Variants in NKIRAS1 observed in about 807,000 individuals in gnomAD.
NKIRAS1 encodes NF-kappa-B inhibitor-interacting Ras-like protein 1.
In NKIRAS1, 16 loss-of-function variants were observed where a neutral mutation model predicts 19.8. The ratio of observed to expected loss-of-function variants is 0.81; its 90% CI spans 0.55 to 1.23. NKIRAS1 has a LOEUF of 1.23. NKIRAS1 is among the 50% of genes most tolerant of loss of function. NKIRAS1 has a pLI of 0.00. For synonymous variants in NKIRAS1, 88 were observed against 79.0 expected, an observed-to-expected ratio of 1.11 and a Z score of -0.61; for missense variants, 184 against 220.0, an observed-to-expected ratio of 0.84 and a Z score of 1.04.
chr3:23,928,751 G>C (rs1005422729), intron 1 of NKIRAS1, among the ~76,000 whole-genome samples: 1 of 151,070 alleles, frequency 6.6e-6, no homozygotes, highest in Non-Finnish European at 1.5e-5. Context: ...TAGCACTTTG[G>C]GAGGCCGAGA....
chr3:23,918,182 A>G (rs1704783659), upstream of NKIRAS1: 3 of 1,052,798 alleles, frequency 2.8e-6, no homozygotes, highest in South Asian at 3.3e-5. Context: ...TACTGTATGC[A>G]CTGTTGTCTA....
chr3:23,917,674 A>C (rs1575117940), upstream of NKIRAS1: 1 of 611,242 alleles, frequency 1.6e-6, no homozygotes, highest in East Asian at 3.0e-5. Flanking sequence ...AAGTGACTGA[A>C]CGCGGCTCCG....
chr3:23,939,736 T>C (rs1296712036), intron 1 of NKIRAS1, among the ~76,000 whole-genome samples: 1 of 152,104 alleles, frequency 6.6e-6, no homozygotes, highest in African/African-American at 2.4e-5. Context: ...AGAGCGAGAC[T>C]CCGTCTCAAA....
intron 1 of NKIRAS1, chr3:23,916,516 G>A (rs1352127759): frequency 6.6e-6 from 1 of 152,296 alleles, no homozygotes; most frequent in Non-Finnish European, 1.5e-5. Context: ...CCCTTTTTTA[G>A]GACAAAATCC....
In NKIRAS1 at chr3:23,892,071, TAC is replaced by T. The variant is rs1368581720; in HGVS notation, c.*1022_*1023del. The T allele has an allele frequency of 1.3e-5, 2 of 152,236 alleles. No homozygotes were observed. Among genetic ancestry groups the T allele is most frequent in the Admixed American group, 6.5e-5 (1 of 15,284 alleles). The allele number at this position is 152,236 out of a possible 1,614,324, so 9.4% of individuals were successfully genotyped here. A position where few individuals can be genotyped will look rare whatever the true frequency, so the allele number is the denominator to read the frequency against. ...GAAAAAAGTATTCCATTTAAGATGTTACAAATTACTTGATGTTTTAATATGTT... is the reference window on the plus strand; with the variant it reads ...GAAAAAAGTATTCCATTTAAGATGTTAAATTACTTGATGTTTTAATATGTT... On this transcript the variant is annotated 3_prime_UTR_variant, in exon 5 of 5. Transcript: ENST00000425478.
intron 1 of NKIRAS1, among the ~76,000 whole-genome samples, chr3:23,942,529 T>C (rs1705521092): frequency 6.6e-6 from 1 of 152,206 alleles, no homozygotes; most frequent in African/African-American, 2.4e-5. Flanking sequence ...CCTCCCAGGT[T>C]CAAGCGATTC....
In NKIRAS1 at chr3:23,926,683, TTTTTGATAAGAG is replaced by T. The variant is rs1371293824; in HGVS notation, c.-139-15245_-139-15234del. Among the ~76,000 whole-genome samples the T allele has an allele frequency of 6.6e-6, 1 of 152,166 alleles. No homozygotes were observed. Among genetic ancestry groups the T allele is most frequent in the Non-Finnish European group, 1.5e-5 (1 of 68,028 alleles). Reference sequence around the variant, plus strand: ...CAGGGCGATTTTAGGTTTTTAGAAGTTTTTGATAAGAGTTTTATCCCAATGGTACAAACTGTA... The same window carrying T: ...CAGGGCGATTTTAGGTTTTTAGAAGTTTTTATCCCAATGGTACAAACTGTA... On this transcript the variant is annotated intron_variant, in intron 1 of 4. Transcript: ENST00000421515. The surrounding 1 kb of genome is among the most constrained non-coding windows in gnomAD (Gnocchi z 4.3).
chr3:23,896,858 A>G (rs2125361651), intron 4 of NKIRAS1, among the ~76,000 whole-genome samples: 1 of 151,986 alleles, frequency 6.6e-6, no homozygotes, highest in Middle Eastern at 3.4e-3. Context: ...CAACTCCAAG[A>G]TATGTTACAT....
chr3:23,936,826 G>A (rs572099267), intron 1 of NKIRAS1, among the ~76,000 whole-genome samples: 51 of 152,344 alleles, frequency 3.3e-4, no homozygotes, highest in South Asian at 6.2e-4. Context: ...GATTACAGGC[G>A]TGAGCCACTG....
rs1199528595 is a variant in NKIRAS1, at chr3:23,891,756, G to A, written c.*1339C>T. On this transcript the variant is annotated 3_prime_UTR_variant, in exon 5 of 5. Coordinates refer to ENST00000425478, the MANE Select transcript of NKIRAS1 (RefSeq NM_020345.4). ...ATTTAAAAAGAATTGGTAACTGTTT[G>A]TACTAATATAGACTAAGTTGCATTA... 6.6e-6 allele frequency: 1 copy of A among 152,184 alleles called. No homozygotes were observed. Among genetic ancestry groups the A allele is most frequent in the Admixed American group, 6.5e-5 (1 of 15,282 alleles). The allele number at this position is 152,184 out of a possible 1,614,324, so 9.4% of individuals were successfully genotyped here. A position where few individuals can be genotyped will look rare whatever the true frequency, so the allele number is the denominator to read the frequency against.
intron 1 of NKIRAS1, chr3:23,923,906 G>T (rs1342265983): frequency 1.3e-5 from 2 of 152,158 alleles, no homozygotes; most frequent in African/African-American, 4.8e-5. Flanking sequence ...TTTGCATTCT[G>T]AGTGTGGCAG....
chr3:23,908,068 TGTATCCA>T (rs1164811434), intron 3 of NKIRAS1, among the ~76,000 whole-genome samples: 1 of 152,196 alleles, frequency 6.6e-6, no homozygotes, highest in Non-Finnish European at 1.5e-5. Flanking sequence ...AAATCAGAAT[TGTATCCA>T]TCATCATGAA....
At chr3:23,905,006 C>T (rs1294931153) in intron 3 of NKIRAS1, among the ~76,000 whole-genome samples, 7 of 151,178 alleles carry the variant, frequency 4.6e-5, no homozygotes, top group African/African-American at 1.2e-4. Flanking sequence ...ATTTTTTTTT[C>T]TAAATAGAGA....
upstream of NKIRAS1, chr3:23,919,130 AT>A: frequency 9.0e-7 from 1 of 1,116,054 alleles, no homozygotes; most frequent in South Asian, 1.3e-5. Context: ...GAGAATTAAA[AT>A]TCTTTCTGAC....
chr3:23,916,008 T>A (rs1704343306), intron 1 of NKIRAS1: 1 of 152,266 alleles, frequency 6.6e-6, no homozygotes, highest in African/African-American at 2.4e-5. Context: ...TGTTTCCTGC[T>A]GCATCCCCAG....
In NKIRAS1 at chr3:23,893,086, TA is replaced by T. The variant is rs775461232; in HGVS notation, c.*8del. 4.5e-6 allele frequency: 7 copies of T among 1,539,234 alleles called. No individual in the cohort carries two copies. The highest frequency in any genetic ancestry group is 6.1e-6 in the Non-Finnish European group (7 of 1,147,442). On this transcript the variant is annotated 3_prime_UTR_variant, in exon 5 of 5. Coordinates refer to ENST00000425478, the MANE Select transcript of NKIRAS1 (RefSeq NM_020345.4). ...CTATTCAACATACAATTGTGGAAAT[TA>T]CTGATTTTTAGTTCTCAGAATTAGA...
At chr3:23,933,771 G>T (rs73822604) in intron 1 of NKIRAS1, among the ~76,000 whole-genome samples, 3,015 of 152,222 alleles carry the variant, frequency 0.02, 96 homozygotes, top group African/African-American at 0.068. Context: ...ACAAATTACT[G>T]TAGGCTGGGT....
intron 3 of NKIRAS1, among the ~76,000 whole-genome samples, chr3:23,907,288 T>C (rs1703166510): frequency 6.6e-6 from 1 of 152,200 alleles, no homozygotes; most frequent in Non-Finnish European, 1.5e-5. Context: ...GACATGGCAA[T>C]TAACTGTTTA....
chr3:23,912,827 A>G (rs1020065925), intron 1 of NKIRAS1, among the ~76,000 whole-genome samples: 1 of 152,126 alleles, frequency 6.6e-6, no homozygotes, highest in Non-Finnish European at 1.5e-5. Flanking sequence ...TTAAGAAAAT[A>G]TGCCACATAC....
Sources: gnomAD v4.1 joint callset for allele counts (sites outside exome capture counted in the v4.1 genomes callset) on GRCh38, gnomAD v4.1.1 for gene constraint, Gnocchi (gnomAD v3.1) non-coding constraint, MANE v1.5 for transcripts, NCBI Gene and HGNC (gene_info 2026-07-23, HGNC 2026-07-21) for gene names.